Variants in PPP1R12C observed in about 807,000 individuals in gnomAD.
The protein encoded by PPP1R12C is protein phosphatase 1 regulatory subunit 12C.
PPP1R12C carries 48 observed loss-of-function variants against 95.6 expected under a neutral mutation model. That is an observed-to-expected ratio of 0.50 (90% CI 0.40 to 0.64). PPP1R12C has a LOEUF of 0.64. Among genes scored for constraint, PPP1R12C ranks in the 30% least tolerant of loss-of-function variants. The probability of loss-of-function intolerance (pLI) is 0.00; values close to 1 mark genes in which losing one functional copy is unlikely to be tolerated. For missense variants in PPP1R12C, 1,057 were observed against 1,083.3 expected (o/e 0.98, Z 0.34); for synonymous variants, 480 against 460.8 (o/e 1.04, Z -0.53).
At chr19:55,112,950 G>T in intron 1 of PPP1R12C, 155 bp from the exon 2 acceptor site, 2 of 1,086,308 alleles carry the variant, frequency 1.8e-6, no homozygotes, top group Non-Finnish European at 2.6e-6. Flanking sequence ...GGCTGTTTAA[G>T]ATACGCCTGG....
At chr19:55,099,658 C>G (rs1274236697) in intron 4 of PPP1R12C, among the ~76,000 whole-genome samples, 1 of 152,158 alleles carries the variant, frequency 6.6e-6, no homozygotes, top group African/African-American at 2.4e-5. Flanking sequence ...CTGCTCCACA[C>G]CCGGCTGCGC....
rs543174252 is a variant in PPP1R12C at position 55,111,155 on chromosome 19, G to A, written c.571+1312C>T. 6.3e-3 allele frequency among the ~76,000 whole-genome samples: 896 copies of A among 142,036 alleles called. 3 individuals carry two copies. Among genetic ancestry groups the A allele is most frequent in the Middle Eastern group, 0.049 (14 of 284 alleles). 93.2% of individuals were successfully genotyped at this position (142,036 alleles called of 152,430 possible). A position where few individuals can be genotyped will look rare whatever the true frequency, so the allele number is the denominator to read the frequency against. ...GGCTTCGTGGGGTGGGGGGGAGGGGGGGGTGCATGGTTGGGGGTGATGGCT... is the reference window on the plus strand; with the variant it reads ...GGCTTCGTGGGGTGGGGGGGAGGGGAGGGTGCATGGTTGGGGGTGATGGCT... On this transcript the variant is annotated intron_variant, in intron 3 of 21. Transcript: ENST00000263433.
chr19:55,101,187 G>T (rs2084975613), intron 4 of PPP1R12C, among the ~76,000 whole-genome samples: 1 of 152,108 alleles, frequency 6.6e-6, no homozygotes, highest in Non-Finnish European at 1.5e-5. Flanking sequence ...GACAGAGGTT[G>T]CAGTGAGCTG....
intron 13 of PPP1R12C, among the ~76,000 whole-genome samples, 160 bp from the exon 14 acceptor site, chr19:55,093,393 C>T (rs11668154): frequency 0.024 from 38 of 1,558 alleles, no homozygotes; most frequent in Non-Finnish European, 0.029. Context: ...CCTCCAGCCC[C>T]TCCTCCCTCA....
At position 55,093,120 on chromosome 19, in the gene PPP1R12C, A is replaced by C. The variant is rs771886170; in HGVS notation, c.1764+33T>G. 10 of 1,612,818 alleles carry C rather than the reference A, an allele frequency of 6.2e-6. No individual in the cohort carries two copies. The African/African-American group carries it at 1.3e-4, about 22-fold the overall frequency. On this transcript the variant is annotated intron_variant, in intron 14 of 21. Transcript: ENST00000263433. The stretch of plus-strand genomic sequence containing the variant: ...GAGTCAGGGAAGCAGGACATCCCGC[A>C]CCACCCCACTCGCCCTCGCTGACCC...
Position 55,095,851 on chromosome 19 carries a change from CAG to C in PPP1R12C, c.1227+14_1227+15del. ...GCCCTCCCAGCCTCACAGGACCTCT[CAG>C]GGCATCCACTCACCACGGGACTCTT... is the stretch of plus-strand genomic sequence containing the variant. On this transcript the variant is annotated intron_variant, in intron 9 of 21. Coordinates refer to ENST00000263433, the MANE Select transcript of PPP1R12C (RefSeq NM_017607.4). The C allele has an allele frequency of 6.2e-7, 1 of 1,613,006 alleles. No homozygotes were observed. The highest frequency in any genetic ancestry group is 8.5e-7 in the Non-Finnish European group (1 of 1,179,314).
intron 11 of PPP1R12C, 40 bp downstream of exon 11, chr19:55,095,251 T>C: frequency 1.3e-6 from 2 of 1,536,818 alleles, no homozygotes; most frequent in Non-Finnish European, 1.8e-6. Flanking sequence ...AACCCACATC[T>C]GCCACCCACC....
At chr19:55,099,136 G>C (rs1029779944) in intron 4 of PPP1R12C, 41 bp from the exon 5 acceptor site, 1 of 1,467,014 alleles carries the variant, frequency 6.8e-7, no homozygotes, top group East Asian at 2.5e-5. Flanking sequence ...CCAAGGCGGG[G>C]CCCTTGGCCG....
chr19:55,092,698 G>A, intron 16 of PPP1R12C, 36 bp from the exon 17 acceptor site: 2 of 1,530,750 alleles, frequency 1.3e-6, no homozygotes, highest in Non-Finnish European at 1.8e-6. Context: ...ATGGGTATGG[G>A]AGGGACTTTA....
chr19:55,106,606 T>C (rs1322855670), intron 3 of PPP1R12C, among the ~76,000 whole-genome samples: 1 of 152,212 alleles, frequency 6.6e-6, no homozygotes. Flanking sequence ...CATGTCTTCT[T>C]CCTGCCAGTT....
At chr19:55,097,914 G>T (rs1416842290) in intron 6 of PPP1R12C, among the ~76,000 whole-genome samples, 1 of 151,946 alleles carries the variant, frequency 6.6e-6, no homozygotes, top group African/African-American at 2.4e-5. Flanking sequence ...CCTGGCACTC[G>T]TGGCCCTCCC....
chr19:55,091,697 G>A lies in PPP1R12C; in HGVS notation c.2215C>T (p.Arg739Cys), dbSNP rs558485178. The change falls in exon 21 of 22, where the codon CGC becomes TGC. Residue 739 changes from arginine (R) to cysteine (C), a missense_variant. Arg to Cys is a radical substitution (Grantham distance 180, BLOSUM62 -3). Around this residue, in one of 5 missense-constraint regions of PPP1R12C, gnomAD observed 347 missense variants for 307.9 expected, o/e 1.13. Coordinates refer to ENST00000263433, the MANE Select transcript of PPP1R12C (RefSeq NM_017607.4). ...GCGGCCTTGCGTTCCAGGGCCCTGC[G>A]CTCCTGGAATGAACAGGGAAAGTGC... ...PALLELERFE[R>C]RALERKAAEL... 4 of 1,613,178 alleles carry A rather than the reference G, an allele frequency of 2.5e-6. No homozygotes were observed. Among genetic ancestry groups the A allele is most frequent in the Admixed American group, 3.3e-5 (2 of 59,980 alleles).
chr19:55,095,799 A>G (rs753405045), intron 9 of PPP1R12C, 68 bp downstream of exon 9: 10 of 1,568,486 alleles, frequency 6.4e-6, no homozygotes, highest in Non-Finnish European at 8.8e-6. Flanking sequence ...CCAGAGGTTC[A>G]CAGGCTGTAT....
At position 55,095,589 on chromosome 19, in the gene PPP1R12C, G is replaced by A; in HGVS notation, c.1242C>T (p.Ala414=). The part of the protein sequence containing the change: ...SPKSPVQLEE[A]PFSRRFGLLK... Reference sequence around the variant, plus strand: ...GGAGGCCAAAGCGCCTGGAGAAGGGGGCCTCTTCAAGCTGCTGGGAGAAGG... The same window carrying A: ...GGAGGCCAAAGCGCCTGGAGAAGGGAGCCTCTTCAAGCTGCTGGGAGAAGG... The change falls in exon 10 of 22, where the codon GCC becomes GCT. Residue 414 remains alanine (A), a synonymous_variant. Transcript: ENST00000263433. 1 of 1,569,054 alleles carries A rather than the reference G, an allele frequency of 6.4e-7. No individual in the cohort carries two copies. Among genetic ancestry groups the A allele is most frequent in the Non-Finnish European group, 8.6e-7 (1 of 1,161,822 alleles).
intron 3 of PPP1R12C, among the ~76,000 whole-genome samples, chr19:55,108,799 C>T (rs1296714777): frequency 6.6e-6 from 1 of 152,198 alleles, no homozygotes; most frequent in Non-Finnish European, 1.5e-5. Context: ...CTCCACCTCC[C>T]AGGTTCGAGT....
At position 55,096,004 on chromosome 19, in the gene PPP1R12C, C is replaced by T. The variant is rs199759363; in HGVS notation, c.1153+47G>A. On this transcript the variant is annotated intron_variant, in intron 8 of 21. Coordinates refer to ENST00000263433, the MANE Select transcript of PPP1R12C (RefSeq NM_017607.4). Reference sequence around the variant, plus strand: ...CAGTTGCCTCTAGATTCAGAGAACCCGACCCCTCCTCCCTCGGACCCAGGA... The same window carrying T: ...CAGTTGCCTCTAGATTCAGAGAACCTGACCCCTCCTCCCTCGGACCCAGGA... 1.2e-5 allele frequency: 20 copies of T among 1,607,108 alleles called. No homozygotes were observed. In the East Asian group the frequency reaches 1.3e-4, roughly 11 times the overall value.
rs2084840205 is a variant in PPP1R12C, at chr19:55,091,570, C to G, written c.2263-12G>C. 6.2e-7 allele frequency: 1 copy of G among 1,612,924 alleles called. No homozygotes were observed. The highest frequency in any genetic ancestry group is 1.3e-5 in the African/African-American group (1 of 74,920). On this transcript the variant is annotated splice_polypyrimidine_tract_variant and intron_variant, in intron 21 of 21. Coordinates refer to ENST00000263433, the MANE Select transcript of PPP1R12C (RefSeq NM_017607.4). The stretch of plus-strand genomic sequence containing the variant: ...AGGTCAGACAGGGCCTGGGGGACGG[C>G]AAGGGTCAGCTGGGCAGCCCTGGCG...
Position 55,093,176 on chromosome 19 carries a change from A to C in PPP1R12C, c.1741T>G (p.Ser581Ala). ...ACCAGGCTCTGCGCCGGCTTCTCTG[A>C]CTCTGGGGCCTTCCCTGCAGCCTTC... is the stretch of plus-strand genomic sequence containing the variant. ...AEKAAGKAPE[S>A]EKPAQSLDPS... The change falls in exon 14 of 22, where the codon TCA becomes GCA. Residue 581 changes from serine (S) to alanine (A), a missense_variant. Ser to Ala is a moderately conservative substitution (Grantham distance 99). Transcript: ENST00000263433. 1 of 1,613,052 alleles carries C rather than the reference A, an allele frequency of 6.2e-7. No homozygotes were observed. Among genetic ancestry groups the C allele is most frequent in the Non-Finnish European group, 8.5e-7 (1 of 1,179,756 alleles).
chr19:55,095,721 A>C, intron 9 of PPP1R12C, 118 bp from the exon 10 acceptor site: 1 of 1,514,834 alleles, frequency 6.6e-7, no homozygotes, highest in Non-Finnish European at 9.1e-7. Context: ...GGGCAGGCAC[A>C]GCCTAAAAAG....
Sources: gnomAD v4.1 joint callset for allele counts (sites outside exome capture counted in the v4.1 genomes callset) on GRCh38, gnomAD v4.1.1 for gene constraint, gnomAD v4.1.1 regional missense constraint, MANE v1.5 for transcripts, NCBI Gene and HGNC (gene_info 2026-07-23, HGNC 2026-07-21) for gene names.